Variants in AIMP2 observed in about 807,000 individuals in gnomAD.
AIMP2 encodes aminoacyl tRNA synthase complex-interacting multifunctional protein 2.
In AIMP2, 20 loss-of-function variants were observed where a neutral mutation model predicts 23.4. The ratio of observed to expected loss-of-function variants is 0.85; its 90% CI spans 0.60 to 1.24. The LOEUF (loss-of-function observed/expected upper bound fraction) is 1.24. AIMP2 is among the 50% of genes most tolerant of loss of function. The pLI is 0.00. For synonymous variants in AIMP2, 210 were observed against 170.4 expected, an observed-to-expected ratio of 1.23 and a Z score of -1.81; for missense variants, 515 against 414.5, an observed-to-expected ratio of 1.24 and a Z score of -2.10.
intron 1 of AIMP2, among the ~76,000 whole-genome samples, chr7:6,014,719 T>A (rs1194280272): frequency 6.6e-6 from 1 of 151,932 alleles, no homozygotes; most frequent in Non-Finnish European, 1.5e-5. Context: ...TCTTTTATTT[T>A]TTTTTATTTT....
chr7:6,009,873 C>G (rs1169709080), intron 1 of AIMP2, among the ~76,000 whole-genome samples: 3 of 142,644 alleles, frequency 2.1e-5, no homozygotes, highest in Admixed American at 7.3e-5. Flanking sequence ...CGTTTGAACC[C>G]TGGAGGCGGA....
chr7:6,015,388 ACTG>A lies in AIMP2; in HGVS notation c.342+37_342+39del, dbSNP rs749240715. 3.7e-6 allele frequency: 6 copies of A among 1,603,702 alleles called. No individual in the cohort carries two copies. In the African/African-American group the frequency reaches 8.0e-5, roughly 21 times the overall value. On this transcript the variant is annotated intron_variant, in intron 2 of 3. Transcript: ENST00000223029. ...TTTGAAAGCTGAAACGTTAGTAGGT[ACTG>A]AGTGGTTAGTGCAGGGAAATTGTGC...
chr7:6,023,563 G>C lies in AIMP2; in HGVS notation c.835G>C (p.Val279Leu). Reference protein sequence around the residue: ...LAGNELTVADVVLWSVLQQIG... With the variant: ...LAGNELTVADLVLWSVLQQIG... ...TGGGAATGAACTCACCGTAGCAGAC[G>C]TGGTGCTGTGGTCTGTACTCCAGCA... The change falls in exon 4 of 4, where the codon GTG becomes CTG. Residue 279 changes from valine to leucine, a missense_variant. Coordinates refer to ENST00000223029, the MANE Select transcript of AIMP2 (RefSeq NM_006303.4). 1 of 1,614,238 alleles carries C rather than the reference G, an allele frequency of 6.2e-7. No homozygotes were observed. The highest frequency in any genetic ancestry group is 1.1e-5 in the South Asian group (1 of 91,090).
intron 3 of AIMP2, 101 bp downstream of exon 3, chr7:6,018,146 CTTTTTT>C (rs371698854): frequency 3.9e-4 from 232 of 590,776 alleles, no homozygotes; most frequent in East Asian, 9.6e-4. Context: ...TTTTCTTTTT[CTTTTTT>C]TTTTTTTTTT....
Position 6,009,974 on chromosome 7 carries a change from A to AAAAAAATATATATATAT in AIMP2, c.135+477_135+478insAAAAATATATATATATA. Reference sequence around the variant, plus strand: ...CAAAAAAAAAAAAAAAAAAAAAAAAAATATATATATATATATATGTATGTA... The same window carrying AAAAAAATATATATATAT: ...CAAAAAAAAAAAAAAAAAAAAAAAAAAAAAAATATATATATATATATATATATATATATATGTATGTA... On this transcript the variant is annotated intron_variant, in intron 1 of 3. Transcript: ENST00000223029. Among the ~76,000 whole-genome samples the AAAAAAATATATATATAT allele has an allele frequency of 1.8e-3, 49 of 26,572 alleles. 1 individual carries two copies. The highest frequency in any genetic ancestry group is 3.7e-3 in the Admixed American group (9 of 2,434). 17.4% of individuals were successfully genotyped at this position (26,572 alleles called of 152,430 possible). A position where few individuals can be genotyped will look rare whatever the true frequency, so the allele number is the denominator to read the frequency against.
intron 1 of AIMP2, among the ~76,000 whole-genome samples, chr7:6,011,462 C>T (rs561385608): frequency 6.6e-6 from 1 of 152,176 alleles, no homozygotes; most frequent in Non-Finnish European, 1.5e-5. Flanking sequence ...GTCTTTCACT[C>T]TTTTCTCATT....
intron 3 of AIMP2, 125 bp downstream of exon 3, chr7:6,018,170 A>T (rs1415353500): frequency 1.7e-5 from 13 of 743,726 alleles, no homozygotes; most frequent in Non-Finnish European, 2.7e-5. Context: ...TTTTTGAGAC[A>T]GAGTCTCGCT....
intron 1 of AIMP2, among the ~76,000 whole-genome samples, chr7:6,014,594 C>A (rs977798693): frequency 2.0e-5 from 3 of 151,786 alleles, no homozygotes; most frequent in Non-Finnish European, 4.4e-5. Context: ...TTTGCAGGGA[C>A]CTATTGGACT....
Position 6,017,858 on chromosome 7 carries a change from C to T in AIMP2, c.387C>T (p.Ala129=), listed in dbSNP as rs1787119671. 1 of 1,613,964 alleles carries T rather than the reference C, an allele frequency of 6.2e-7. No homozygotes were observed. Among genetic ancestry groups the T allele is most frequent in the Non-Finnish European group, 8.5e-7 (1 of 1,180,030 alleles). ...LKDIVINANP[A]SPPLSLLVLH... Reference sequence around the variant, plus strand: ...ACATCGTGATCAACGCAAACCCGGCCTCCCCTCCCCTCTCCCTGCTTGTGC... The same window carrying T: ...ACATCGTGATCAACGCAAACCCGGCTTCCCCTCCCCTCTCCCTGCTTGTGC... Residue 129 remains alanine, a synonymous_variant, in exon 3 of 4, where the codon GCC becomes GCT. Transcript: ENST00000223029.
At position 6,015,271 on chromosome 7, in the gene AIMP2, G is replaced by A. The variant is rs1485597191; in HGVS notation, c.261G>A (p.Leu87=). Residue 87 remains leucine (L), a synonymous_variant, in exon 2 of 4, where the codon TTG becomes TTA. Transcript: ENST00000223029. Reference sequence around the variant, plus strand: ...TGATTCAAACACCAGATGCAGACTTGGATGTAACCAACATAATCCAAGCGG... The same window carrying A: ...TGATTCAAACACCAGATGCAGACTTAGATGTAACCAACATAATCCAAGCGG... ...SKMIQTPDAD[L]DVTNIIQADE... The A allele has an allele frequency of 6.2e-6, 10 of 1,614,170 alleles. No homozygotes were observed. In the Middle Eastern group the frequency reaches 4.9e-4, roughly 80 times the overall value.
intron 2 of AIMP2, 39 bp downstream of exon 2, chr7:6,015,391 G>C (rs1204288004): frequency 1.2e-6 from 2 of 1,601,350 alleles, no homozygotes; most frequent in Non-Finnish European, 1.7e-6. Context: ...AGTAGGTACT[G>C]AGTGGTTAGT....
chr7:6,012,961 T>C, intron 1 of AIMP2: 1 of 987,288 alleles, frequency 1.0e-6, no homozygotes, highest in Non-Finnish European at 1.2e-6. Context: ...CTAGGAGAGG[T>C]GAGAAAGTGC....
At chr7:6,023,064 AGTGTC>A in intron 3 of AIMP2, 6 of 485,230 alleles carry the variant, frequency 1.2e-5, no homozygotes, top group East Asian at 3.6e-5. Flanking sequence ...TAGCTTCAGA[AGTGTC>A]ATAATCAAAT....
At chr7:6,013,512 C>G (rs1389082379) in intron 1 of AIMP2, among the ~76,000 whole-genome samples, 1 of 152,062 alleles carries the variant, frequency 6.6e-6, no homozygotes, top group Admixed American at 6.6e-5. Flanking sequence ...CTGCCCCTCT[C>G]GGCCTCCCAA....
Position 6,017,856 on chromosome 7 carries a change from G to T in AIMP2, c.385G>T (p.Ala129Ser). 6.2e-7 allele frequency: 1 copy of T among 1,614,032 alleles called. No homozygotes were observed. The highest frequency in any genetic ancestry group is 1.1e-5 in the South Asian group (1 of 91,080). ...LKDIVINANPASPPLSLLVLH... is the reference protein window; with the variant it reads ...LKDIVINANPSSPPLSLLVLH... ...AGACATCGTGATCAACGCAAACCCGGCCTCCCCTCCCCTCTCCCTGCTTGT... is the reference window on the plus strand; with the variant it reads ...AGACATCGTGATCAACGCAAACCCGTCCTCCCCTCCCCTCTCCCTGCTTGT... The change falls in exon 3 of 4, where the codon GCC becomes TCC. Residue 129 changes from alanine to serine, a missense_variant. Ala to Ser is a moderately conservative substitution (Grantham distance 99). Transcript: ENST00000223029.
intron 2 of AIMP2, 101 bp downstream of exon 2, chr7:6,015,453 G>T (rs59901370): frequency 0.15 from 191,167 of 1,299,246 alleles, 14,958 homozygotes; most frequent in African/African-American, 0.24. Flanking sequence ...GGCCGGGCGT[G>T]GTGGCTCACG....
At chr7:6,022,902 G>A (rs545001131) in intron 3 of AIMP2, 7 of 184,126 alleles carry the variant, frequency 3.8e-5, no homozygotes, top group African/African-American at 9.5e-5. Context: ...GGAGATAAGC[G>A]AGTTCATGTC....
chr7:6,018,797 G>A (rs950655119), intron 3 of AIMP2, among the ~76,000 whole-genome samples: 13 of 151,852 alleles, frequency 8.6e-5, no homozygotes, highest in African/African-American at 2.9e-4. Context: ...TCACGCCATT[G>A]TATTCCAGCC....
chr7:6,009,711 G>A (rs1253980049), intron 1 of AIMP2, among the ~76,000 whole-genome samples: 2 of 151,804 alleles, frequency 1.3e-5, no homozygotes, highest in Non-Finnish European at 1.5e-5. Context: ...AGCACTTTGG[G>A]AGGCCGAGGC....
Sources: allele counts gnomAD v4.1 joint callset (sites outside exome capture counted in the v4.1 genomes callset), GRCh38; gene constraint gnomAD v4.1.1; transcripts MANE v1.5; gene names NCBI Gene and HGNC (gene_info 2026-07-23, HGNC 2026-07-21).